DGKB: variants seen among roughly 807,000 people sequenced by gnomAD.
The protein encoded by DGKB is diacylglycerol kinase beta.
Under a neutral mutation model 114.3 loss-of-function variants are expected in DGKB, and 67 were observed. The ratio of observed to expected loss-of-function variants is 0.59; its 90% CI spans 0.48 to 0.72. The LOEUF (loss-of-function observed/expected upper bound fraction) is 0.72. Ranked by LOEUF, DGKB falls within the 30% of genes least tolerant of loss-of-function variation. The probability of loss-of-function intolerance (pLI) is 0.00; values close to 1 mark genes in which losing one functional copy is unlikely to be tolerated. For missense variants in DGKB, 907 were observed against 975.2 expected, an observed-to-expected ratio of 0.93 and a Z score of 0.93; for synonymous variants, 398 against 323.1, an observed-to-expected ratio of 1.23 and a Z score of -2.49.
intron 2 of DGKB, among the ~76,000 whole-genome samples, chr7:14,797,447 G>T (rs1373072888): frequency 6.6e-6 from 1 of 152,102 alleles, no homozygotes; most frequent in Non-Finnish European, 1.5e-5. Flanking sequence ...ATTTCAAGAT[G>T]CTTATCCAGA....
rs1002414665 is a variant in DGKB at position 14,582,614 on chromosome 7, TATG to T, written c.1519+435_1519+437del. On this transcript the variant is annotated intron_variant, in intron 18 of 25. Transcript: ENST00000402815. ...GATAACATGATGAATAAAAATTAGCTATGATGATGATGATGATGATGGATGATA... is the reference window on the plus strand; with the variant it reads ...GATAACATGATGAATAAAAATTAGCTATGATGATGATGATGATGGATGATA... Among the ~76,000 whole-genome samples, 17 of 151,934 alleles carry T rather than the reference TATG, an allele frequency of 1.1e-4. No homozygotes were observed. The South Asian group carries it at 1.5e-3, about 13-fold the overall frequency.
chr7:14,926,909 A>T (rs1214824416), intron 1 of DGKB, among the ~76,000 whole-genome samples: 1 of 151,746 alleles, frequency 6.6e-6, no homozygotes, highest in African/African-American at 2.4e-5. Context: ...GAAGATTCGT[A>T]TTTGCTTCCA....
intron 21 of DGKB, among the ~76,000 whole-genome samples, chr7:14,363,449 T>C (rs193230591): frequency 3.3e-5 from 5 of 152,180 alleles, no homozygotes; most frequent in Admixed American, 1.3e-4. Flanking sequence ...TTATGAGAGA[T>C]TGTGATTCCT....
At chr7:14,224,700 C>T (rs975769541) in intron 23 of DGKB, among the ~76,000 whole-genome samples, 1 of 152,008 alleles carries the variant, frequency 6.6e-6, no homozygotes, top group African/African-American at 2.4e-5. Flanking sequence ...ACCACCACCA[C>T]CAAATGCCCC....
chr7:14,426,904 A>G (rs1200899976), intron 21 of DGKB, among the ~76,000 whole-genome samples: 4 of 148,962 alleles, frequency 2.7e-5, no homozygotes, highest in Non-Finnish European at 6.0e-5. Context: ...AAAAAAAAAT[A>G]CAAACATTAG....
intron 23 of DGKB, among the ~76,000 whole-genome samples, chr7:14,240,970 A>G (rs1450374639): frequency 1.3e-5 from 2 of 152,108 alleles, no homozygotes; most frequent in Middle Eastern, 3.2e-3. Context: ...AATAGATATG[A>G]CTTTAATATC....
intron 17 of DGKB, among the ~76,000 whole-genome samples, chr7:14,592,133 T>C (rs1295950243): frequency 2.0e-5 from 3 of 151,776 alleles, no homozygotes; most frequent in Non-Finnish European, 4.4e-5. Context: ...AATCATAAAA[T>C]AATATTTTTG....
chr7:14,454,456 ACT>A (rs1584062287), intron 21 of DGKB, among the ~76,000 whole-genome samples: 1 of 152,040 alleles, frequency 6.6e-6, no homozygotes. Flanking sequence ...AGTTGCAGTA[ACT>A]CTGTGAGATT....
chr7:14,522,141 A>AT (rs2128568073), intron 20 of DGKB, among the ~76,000 whole-genome samples: 1 of 152,172 alleles, frequency 6.6e-6, no homozygotes, highest in South Asian at 2.1e-4. Context: ...TAAGTGTTTC[A>AT]TTTTTTGCTG....
At chr7:14,883,460 T>G (rs72596000) in intron 1 of DGKB, among the ~76,000 whole-genome samples, 1 of 151,838 alleles carries the variant, frequency 6.6e-6, no homozygotes, top group Non-Finnish European at 1.5e-5. Flanking sequence ...ATCTAGAATA[T>G]ATTGAATGAA....
intron 12 of DGKB, among the ~76,000 whole-genome samples, chr7:14,681,542 T>C (rs763095230): frequency 3.3e-5 from 5 of 151,904 alleles, no homozygotes; most frequent in African/African-American, 4.8e-5. Context: ...GTGGAGACAG[T>C]TATTTACTTA....
chr7:14,453,008 G>A (rs780550786), intron 21 of DGKB, among the ~76,000 whole-genome samples: 3 of 152,030 alleles, frequency 2.0e-5, no homozygotes, highest in Non-Finnish European at 4.4e-5. Context: ...ATTGTAACGT[G>A]GTCCATGACT....
At chr7:14,478,103 C>CT in intron 21 of DGKB, 58 bp downstream of exon 21, 3 of 1,248,312 alleles carry the variant, frequency 2.4e-6, no homozygotes, top group Non-Finnish European at 3.4e-6. Context: ...ATCTAGTGAT[C>CT]TTTTTATGGC....
In DGKB at chr7:14,534,923, A is replaced by G. The variant is rs58387790; in HGVS notation, c.1770+39289T>C. Among the ~76,000 whole-genome samples, 334 of 152,330 alleles carry G rather than the reference A, an allele frequency of 2.2e-3. 1 individual carries two copies. Among genetic ancestry groups the G allele is most frequent in the African/African-American group, 7.3e-3 (304 of 41,588 alleles). On this transcript the variant is annotated intron_variant, in intron 20 of 25. Coordinates refer to ENST00000402815, the MANE Select transcript of DGKB (RefSeq NM_001350709.2). ...ACAATCACAAATGCATGTGAATAAA[A>G]TAAACTCTCGAAAAGTCACTGGGTG...
chr7:14,897,661 A>T (rs1782322264), intron 1 of DGKB, among the ~76,000 whole-genome samples: 1 of 151,976 alleles, frequency 6.6e-6, no homozygotes, highest in Admixed American at 6.6e-5. Flanking sequence ...TATTTTATCC[A>T]TCATATTCCA....
intron 2 of DGKB, among the ~76,000 whole-genome samples, chr7:14,828,337 T>C (rs1388307587): frequency 6.6e-6 from 1 of 151,956 alleles, no homozygotes; most frequent in African/African-American, 2.4e-5. Context: ...AGATGGGAAG[T>C]CAGAGGTTAC....
At chr7:14,808,962 A>C (rs1317011361) in intron 2 of DGKB, among the ~76,000 whole-genome samples, 2 of 152,104 alleles carry the variant, frequency 1.3e-5, no homozygotes, top group Admixed American at 6.6e-5. Context: ...ATCCTCCATT[A>C]TACTTGGAGC....
chr7:14,278,540 T>C (rs1799369818), intron 23 of DGKB, among the ~76,000 whole-genome samples: 1 of 152,054 alleles, frequency 6.6e-6, no homozygotes, highest in African/African-American at 2.4e-5. Flanking sequence ...ATACGACTAC[T>C]AGAATAAAAC....
Position 14,681,539 on chromosome 7 carries a change from C to T in DGKB, c.1035+1014G>A, listed in dbSNP as rs62448679. On this transcript the variant is annotated intron_variant, in intron 12 of 25. Coordinates refer to ENST00000402815, the MANE Select transcript of DGKB (RefSeq NM_001350709.2). ...GGGGCACTTGGGGACACAGTGGAGA[C>T]AGTTATTTACTTAACTGATTCAGTG... is the stretch of plus-strand genomic sequence containing the variant. Among the ~76,000 whole-genome samples the T allele has an allele frequency of 5.4e-3, 819 of 151,874 alleles. 5 individuals carry two copies. Among genetic ancestry groups the T allele is most frequent in the South Asian group, 0.017 (80 of 4,824 alleles).
Sources: allele counts gnomAD v4.1 joint callset (sites outside exome capture counted in the v4.1 genomes callset), GRCh38; gene constraint gnomAD v4.1.1; transcripts MANE v1.5; gene names NCBI Gene and HGNC (gene_info 2026-07-23, HGNC 2026-07-21).